The following SPSB4 variants were observed in gnomAD, a reference collection of about 807,000 sequenced individuals.
The protein encoded by SPSB4 is SPRY domain-containing SOCS box protein 4.
Under a neutral mutation model 20.9 loss-of-function variants are expected in SPSB4, and 21 were observed. That is an observed-to-expected ratio of 1.01 (90% CI 0.71 to 1.45). SPSB4 has a LOEUF of 1.45. Among genes scored for constraint, SPSB4 ranks in the 40% most tolerant of loss-of-function variants. The pLI, the probability that SPSB4 is intolerant of heterozygous loss-of-function variation, is 0.00. For synonymous variants in SPSB4, 207 were observed against 183.8 expected (o/e 1.13, Z -1.02); for missense variants, 399 against 399.2 (o/e 1.00, Z 0.00).
At chr3:141,099,513 A>G (rs762976608) in intron 2 of SPSB4, among the ~76,000 whole-genome samples, 1 of 152,208 alleles carries the variant, frequency 6.6e-6, no homozygotes, top group Non-Finnish European at 1.5e-5. Context: ...ATTTATATCC[A>G]TGTGGTAGAT....
At chr3:141,105,909 G>C (rs1291498697) in intron 2 of SPSB4, among the ~76,000 whole-genome samples, 1 of 152,172 alleles carries the variant, frequency 6.6e-6, no homozygotes, top group African/African-American at 2.4e-5. Flanking sequence ...TTTCATAAAA[G>C]AGAATCCGTG....
At chr3:141,064,500 A>G (rs1559838415) in intron 1 of SPSB4, among the ~76,000 whole-genome samples, 3 of 152,190 alleles carry the variant, frequency 2.0e-5, no homozygotes, top group Non-Finnish European at 1.5e-5. Flanking sequence ...GACAATAGAG[A>G]GGGAAGAGTA....
At chr3:141,074,005 AC>A (rs1363750138) in intron 2 of SPSB4, among the ~76,000 whole-genome samples, 1 of 152,206 alleles carries the variant, frequency 6.6e-6, no homozygotes, top group Non-Finnish European at 1.5e-5. Context: ...TTTCATATTA[AC>A]ATAGTCATAA....
chr3:141,054,800 C>T (rs1283366487), intron 1 of SPSB4, among the ~76,000 whole-genome samples: 3 of 152,178 alleles, frequency 2.0e-5, no homozygotes, highest in Non-Finnish European at 2.9e-5. Flanking sequence ...CCCGTCTCTA[C>T]TAAAAATACA....
At chr3:141,114,394 A>G (rs892886431) in intron 2 of SPSB4, among the ~76,000 whole-genome samples, 1 of 152,150 alleles carries the variant, frequency 6.6e-6, no homozygotes, top group Non-Finnish European at 1.5e-5. Context: ...ACTAACTCCT[A>G]TGGGTAATTG....
chr3:141,140,570 G>C (rs1162192702), intron 2 of SPSB4, among the ~76,000 whole-genome samples: 1 of 152,192 alleles, frequency 6.6e-6, no homozygotes, highest in African/African-American at 2.4e-5. Context: ...TCAGCTGCAG[G>C]TCTGTTGGAG....
Position 141,070,675 on chromosome 3 carries a change from G to A in SPSB4, c.694+3877G>A, listed in dbSNP as rs116977991. On this transcript the variant is annotated intron_variant, in intron 2 of 2. Coordinates refer to ENST00000310546, the MANE Select transcript of SPSB4 (RefSeq NM_080862.3). The stretch of plus-strand genomic sequence containing the variant: ...ATTACAGGCGTGAGACACGTCACCC[G>A]GCCATTTTGCAAATTTTAATTAATT... Among the ~76,000 whole-genome samples the A allele has an allele frequency of 3.2e-3, 485 of 152,202 alleles. 6 individuals are homozygous for A. The highest frequency in any genetic ancestry group is 0.022 in the East Asian group (114 of 5,190).
At chr3:141,142,509 A>G (rs1409798735) in intron 2 of SPSB4, among the ~76,000 whole-genome samples, 1 of 152,150 alleles carries the variant, frequency 6.6e-6, no homozygotes. Flanking sequence ...AAAAGAATGT[A>G]TATTCTGCAG....
rs1307640216 is a variant in SPSB4, at chr3:141,066,154, C to T, written c.50C>T (p.Pro17Leu). 6 of 1,532,132 alleles carry T rather than the reference C, an allele frequency of 3.9e-6. No homozygotes were observed. The highest frequency in any genetic ancestry group is 2.5e-5 in the East Asian group (1 of 39,296). The allele number at this position is 1,532,132 out of a possible 1,614,324, so 94.9% of individuals were successfully genotyped here. A position where few individuals can be genotyped will look rare whatever the true frequency, so the allele number is the denominator to read the frequency against. The change falls in exon 2 of 3, where the codon CCG becomes CTG. Residue 17 changes from proline to leucine, a missense_variant. Pro to Leu is a moderately conservative substitution (Grantham distance 98). Transcript: ENST00000310546. ...CTCAAGTCAGTGGAGGTGCGAGAGC[C>T]GGCGCTGCGGCCGGCCAAGCGGGAG... is the stretch of plus-strand genomic sequence containing the variant. ...GSLKSVEVREPALRPAKRELR... is the reference protein window; with the variant it reads ...GSLKSVEVRELALRPAKRELR...
intron 2 of SPSB4, among the ~76,000 whole-genome samples, chr3:141,096,178 G>A (rs750104637): frequency 3.3e-5 from 5 of 152,132 alleles, no homozygotes; most frequent in Non-Finnish European, 7.4e-5. Flanking sequence ...CCTTGTAGAA[G>A]AGGAGCCAAA....
At chr3:141,057,944 A>T (rs1366874498) in intron 1 of SPSB4, among the ~76,000 whole-genome samples, 9 of 152,154 alleles carry the variant, frequency 5.9e-5, no homozygotes, top group Non-Finnish European at 8.8e-5. Context: ...TGTCTCCCTA[A>T]GGGAAAGTGG....
intron 2 of SPSB4, among the ~76,000 whole-genome samples, chr3:141,114,461 G>A (rs1938854378): frequency 6.6e-6 from 1 of 152,222 alleles, no homozygotes; most frequent in Non-Finnish European, 1.5e-5. Context: ...CTGCAATATT[G>A]TGCTAGAAGC....
chr3:141,075,812 C>T (rs1467773733), intron 2 of SPSB4, among the ~76,000 whole-genome samples: 1 of 149,562 alleles, frequency 6.7e-6, no homozygotes, highest in African/African-American at 2.5e-5. Flanking sequence ...TTTGGGAGGC[C>T]GAGGCAGGCG....
intron 2 of SPSB4, among the ~76,000 whole-genome samples, chr3:141,144,251 T>C (rs753063091): frequency 5.9e-5 from 9 of 152,264 alleles, no homozygotes; most frequent in Non-Finnish European, 1.0e-4. Context: ...TATTATGGTA[T>C]TAATTTCTAC....
intron 2 of SPSB4, among the ~76,000 whole-genome samples, chr3:141,108,170 G>T (rs1173551760): frequency 6.6e-6 from 1 of 152,024 alleles, no homozygotes; most frequent in East Asian, 1.9e-4. Flanking sequence ...GAGCTCAGGA[G>T]CCTCTGCCTG....
intron 2 of SPSB4, among the ~76,000 whole-genome samples, chr3:141,137,725 G>T (rs1939252293): frequency 6.6e-6 from 1 of 152,180 alleles, no homozygotes; most frequent in Non-Finnish European, 1.5e-5. Context: ...TGTTTTGCTG[G>T]GTTTGGTTTG....
At chr3:141,077,786 G>A (rs531079569) in intron 2 of SPSB4, among the ~76,000 whole-genome samples, 3 of 152,210 alleles carry the variant, frequency 2.0e-5, no homozygotes, top group African/African-American at 4.8e-5. Context: ...CCAACAGTGG[G>A]AGTGGGCTGT....
At chr3:141,116,457 C>T (rs1005316749) in intron 2 of SPSB4, among the ~76,000 whole-genome samples, 18 of 152,340 alleles carry the variant, frequency 1.2e-4, no homozygotes, top group African/African-American at 4.1e-4. Flanking sequence ...AGGAACAGAA[C>T]TGATAGGGTT....
chr3:141,119,150 T>C (rs1299865418), intron 2 of SPSB4, among the ~76,000 whole-genome samples: 1 of 152,232 alleles, frequency 6.6e-6, no homozygotes, highest in East Asian at 1.9e-4. Flanking sequence ...TTTGTTTGTG[T>C]CCTCTTTTAT....
Sources: gnomAD v4.1 joint callset for allele counts (sites outside exome capture counted in the v4.1 genomes callset) on GRCh38, gnomAD v4.1.1 for gene constraint, MANE v1.5 for transcripts, NCBI Gene and HGNC (gene_info 2026-07-23, HGNC 2026-07-21) for gene names.